The following CRB1 variants were observed in gnomAD, a reference collection of about 807,000 sequenced individuals.
CRB1 encodes the protein protein crumbs homolog 1.
In CRB1, 83 loss-of-function variants were observed where a neutral mutation model predicts 120.0. The ratio of observed to expected loss-of-function variants is 0.69; its 90% CI spans 0.58 to 0.83. CRB1 has a LOEUF of 0.83. CRB1 is among the 40% of genes least tolerant of loss of function. The probability of loss-of-function intolerance (pLI) is 0.00; values close to 1 mark genes in which losing one functional copy is unlikely to be tolerated. For missense variants in CRB1, 1,699 were observed against 1,687.6 expected, an observed-to-expected ratio of 1.01 and a Z score of -0.12; for synonymous variants, 625 against 612.5, an observed-to-expected ratio of 1.02 and a Z score of -0.30.
chr1:197,352,703 T>A (rs1471396344), intron 4 of CRB1, among the ~76,000 whole-genome samples: 7 of 132,628 alleles, frequency 5.3e-5, no homozygotes, highest in Admixed American at 4.6e-4. Context: ...TTTTTTTTTT[T>A]AACTTTTTGA....
the CRB1 span, among the ~76,000 whole-genome samples, chr1:197,210,551 G>T: frequency 1.3e-5 from 2 of 151,924 alleles, no homozygotes; most frequent in South Asian, 4.1e-4. Flanking sequence ...AGACTGGCCA[G>T]CCCCCACAAT....
intron 11 of CRB1, among the ~76,000 whole-genome samples, chr1:197,460,439 G>A (rs926308212): frequency 2.6e-5 from 4 of 152,014 alleles, no homozygotes; most frequent in Admixed American, 1.3e-4. Flanking sequence ...CTACCTGAGG[G>A]GAGTTAACAG....
At chr1:197,263,455 A>T (rs905427612), upstream of CRB1, among the ~76,000 whole-genome samples, 7 of 151,738 alleles carry the variant, frequency 4.6e-5, no homozygotes, top group Non-Finnish European at 1.0e-4. Context: ...GTTTGCAAAA[A>T]TTTTCTCCCA....
chr1:197,403,346 G>A (rs1052323087), intron 5 of CRB1, among the ~76,000 whole-genome samples: 5 of 152,128 alleles, frequency 3.3e-5, no homozygotes, highest in Admixed American at 2.6e-4. Flanking sequence ...CAGTTCCAAA[G>A]AATAATCCTC....
At chr1:197,208,938 C>T in the CRB1 span, among the ~76,000 whole-genome samples, 3 of 152,192 alleles carry the variant, frequency 2.0e-5, no homozygotes, top group African/African-American at 7.2e-5. Flanking sequence ...GGTTCTCAGG[C>T]CAATGGAGTT....
chr1:197,428,824 T>C (rs1664727468), intron 7 of CRB1: 1 of 726,522 alleles, frequency 1.4e-6, no homozygotes, highest in East Asian at 2.7e-5. Context: ...AGAAAGGTTA[T>C]GTAACTAGCC....
At chr1:197,225,940 C>T in the CRB1 span, among the ~76,000 whole-genome samples, 1 of 152,056 alleles carries the variant, frequency 6.6e-6, no homozygotes, top group Admixed American at 6.5e-5. Flanking sequence ...CGCACTCTGT[C>T]ACTCAGGCTG....
chr1:197,293,133 C>T (rs1350052549), intron 1 of CRB1, among the ~76,000 whole-genome samples: 1 of 152,122 alleles, frequency 6.6e-6, no homozygotes, highest in Non-Finnish European at 1.5e-5. Flanking sequence ...TCCCTGTTTG[C>T]AGATGATATG....
chr1:197,249,794 A>G, the CRB1 span, among the ~76,000 whole-genome samples: 1 of 152,036 alleles, frequency 6.6e-6, no homozygotes, highest in Non-Finnish European at 1.5e-5. Flanking sequence ...GAGAAGCAAG[A>G]TAATACTCTG....
intron 4 of CRB1, among the ~76,000 whole-genome samples, chr1:197,351,699 C>A (rs138617751): frequency 1.3e-5 from 2 of 151,956 alleles, no homozygotes; most frequent in South Asian, 2.1e-4. Context: ...TTTGCTAGAA[C>A]GAAGACAACA....
intron 11 of CRB1, among the ~76,000 whole-genome samples, chr1:197,453,637 T>G (rs1174390104): frequency 7.0e-6 from 1 of 142,450 alleles, no homozygotes; most frequent in Non-Finnish European, 1.5e-5. Context: ...AGTCCAGGGG[T>G]GTGATCACAA....
chr1:197,428,465 C>T (rs755697348), intron 7 of CRB1, among the ~76,000 whole-genome samples: 77 of 152,230 alleles, frequency 5.1e-4, no homozygotes, highest in South Asian at 1.0e-3. Flanking sequence ...TGAAATCTTC[C>T]GAAATATAAT....
chr1:197,472,969 T>C (rs1185892060), intron 11 of CRB1, among the ~76,000 whole-genome samples: 1 of 152,154 alleles, frequency 6.6e-6, no homozygotes, highest in Non-Finnish European at 1.5e-5. Flanking sequence ...ATGCTGTAAT[T>C]CTTAGAACAA....
In CRB1 at chr1:197,296,693, G is replaced by A. The variant is rs112779341; in HGVS notation, c.70+28211G>A. Among the ~76,000 whole-genome samples, 476 of 152,118 alleles carry A rather than the reference G, an allele frequency of 3.1e-3. 1 individual carries two copies. Among genetic ancestry groups the A allele is most frequent in the African/African-American group, 0.011 (450 of 41,546 alleles). On this transcript the variant is annotated intron_variant, in intron 1 of 11. Transcript: ENST00000367400. ...AAATATCATCTTGAATTGTAGCTCC[G>A]ATAATTCCCACATGTTGTCGGAGGG...
intron 5 of CRB1, among the ~76,000 whole-genome samples, chr1:197,403,119 C>T (rs1316974598): frequency 6.6e-6 from 1 of 152,056 alleles, no homozygotes; most frequent in East Asian, 1.9e-4. Context: ...GGGTTTTCTT[C>T]CTTTAGCTCT....
At chr1:197,275,464 A>G (rs959847799) in intron 1 of CRB1, among the ~76,000 whole-genome samples, 3 of 152,084 alleles carry the variant, frequency 2.0e-5, no homozygotes, top group Admixed American at 2.0e-4. Flanking sequence ...GAGACATTAT[A>G]TCGATATCCT....
chr1:197,300,090 G>A (rs1293866988), intron 1 of CRB1, among the ~76,000 whole-genome samples: 1 of 151,704 alleles, frequency 6.6e-6, no homozygotes, highest in East Asian at 1.9e-4. Flanking sequence ...TCACTGATAG[G>A]CTGTTCCTCT....
At chr1:197,443,721 T>G (rs946630088) in intron 11 of CRB1, 3 of 151,782 alleles carry the variant, frequency 2.0e-5, no homozygotes, top group African/African-American at 7.2e-5. Context: ...ATACCTGAAA[T>G]AATGGATCTA....
intron 5 of CRB1, among the ~76,000 whole-genome samples, chr1:197,409,172 T>C (rs934798706): frequency 3.3e-5 from 5 of 152,180 alleles, no homozygotes; most frequent in Non-Finnish European, 7.4e-5. Flanking sequence ...AGTATAATCA[T>C]AAAGTAGAGC....
Sources: allele counts gnomAD v4.1 joint callset (sites outside exome capture counted in the v4.1 genomes callset), GRCh38; gene constraint gnomAD v4.1.1; transcripts MANE v1.5; gene names NCBI Gene and HGNC (gene_info 2026-07-23, HGNC 2026-07-21).